The following CFH variants were observed in gnomAD, a reference collection of about 807,000 sequenced individuals.
CFH encodes complement factor H, also known as H factor 1 (complement).
Under a neutral mutation model 147.3 loss-of-function variants are expected in CFH, and 53 were observed. The observed-to-expected ratio is 0.36, with a 90% CI of 0.29 to 0.45. The LOEUF (loss-of-function observed/expected upper bound fraction) is 0.45. Ranked by LOEUF, CFH falls within the 20% of genes least tolerant of loss-of-function variation. CFH has a pLI of 1.00. For synonymous variants in CFH, 536 were observed against 489.4 expected, an observed-to-expected ratio of 1.10 and a Z score of -1.26; for missense variants, 1,380 against 1,498.0, an observed-to-expected ratio of 0.92 and a Z score of 1.30.
chr1:196,658,221 G>C (rs1666771800), intron 1 of CFH, among the ~76,000 whole-genome samples: 1 of 151,362 alleles, frequency 6.6e-6, no homozygotes, highest in Non-Finnish European at 1.5e-5. Context: ...TAATTCATGG[G>C]CTAAAAAAAA....
intron 3 of CFH, among the ~76,000 whole-genome samples, chr1:196,675,229 G>A (rs1667415276): frequency 6.6e-6 from 1 of 152,042 alleles, no homozygotes; most frequent in South Asian, 2.1e-4. Flanking sequence ...CATGTCCCAG[G>A]GAACTCATAT....
intron 12 of CFH, 128 bp downstream of exon 12, chr1:196,725,425 A>G: frequency 2.3e-6 from 2 of 870,050 alleles, no homozygotes; most frequent in East Asian, 5.2e-5. Context: ...TTGCCTGTGA[A>G]GGACATGTAT....
At chr1:196,700,337 C>A (rs2149095816) in intron 9 of CFH, among the ~76,000 whole-genome samples, 1 of 152,248 alleles carries the variant, frequency 6.6e-6, no homozygotes. Context: ...AGCAGGCATA[C>A]AAACCTTACA....
At chr1:196,689,685 G>C (rs1321989811) in intron 8 of CFH, 71 bp downstream of exon 8, 1 of 1,510,984 alleles carries the variant, frequency 6.6e-7, no homozygotes, top group African/African-American at 1.4e-5. Context: ...GAGCACATAA[G>C]TGATTACACC....
At chr1:196,665,897 G>A (rs1480111066) in intron 1 of CFH, among the ~76,000 whole-genome samples, 4 of 152,202 alleles carry the variant, frequency 2.6e-5, no homozygotes, top group Admixed American at 2.0e-4. Flanking sequence ...GTGAGCCACC[G>A]CACCCGGCCC....
In CFH at chr1:196,677,519, T is replaced by C. The variant is rs1667496384; in HGVS notation, c.471T>C (p.Ile157=). 6.2e-7 allele frequency: 1 copy of C among 1,613,050 alleles called. No homozygotes were observed. The highest frequency in any genetic ancestry group is 8.5e-7 in the Non-Finnish European group (1 of 1,179,420). ...LPVTAPENGK[I]VSSAMEPDRE... Reference sequence around the variant, plus strand: ...TGACAGCACCAGAGAATGGAAAAATTGTCAGTAGTGCAATGGAACCAGATC... The same window carrying C: ...TGACAGCACCAGAGAATGGAAAAATCGTCAGTAGTGCAATGGAACCAGATC... The change falls in exon 5 of 22, where the codon ATT becomes ATC. Residue 157 remains isoleucine, a synonymous_variant. Transcript: ENST00000367429.
At chr1:196,722,277 A>G (rs1669018914) in intron 11 of CFH, among the ~76,000 whole-genome samples, 1 of 152,084 alleles carries the variant, frequency 6.6e-6, no homozygotes, top group Non-Finnish European at 1.5e-5. Flanking sequence ...CTTCCTTAGT[A>G]TTAGCTTGTT....
chr1:196,668,646 T>C (rs1294842644), intron 1 of CFH, among the ~76,000 whole-genome samples: 1 of 152,204 alleles, frequency 6.6e-6, no homozygotes, highest in East Asian at 1.9e-4. Context: ...TTTAAGCATC[T>C]GGCATTTCCC....
rs1573064762 is a variant in CFH, at chr1:196,725,155, C to T, written c.1731C>T (p.His577=). The change falls in exon 12 of 22, where the codon CAC becomes CAT. Residue 577 remains histidine, a synonymous_variant. Transcript: ENST00000367429. The part of the protein sequence containing the change: ...RECELPKIDV[H]LVPDRKKDQY... ...GCGAACTTCCTAAAATAGATGTACACTTAGTTCCTGATCGCAAGAAAGACC... is the reference window on the plus strand; with the variant it reads ...GCGAACTTCCTAAAATAGATGTACATTTAGTTCCTGATCGCAAGAAAGACC... The T allele has an allele frequency of 6.2e-7, 1 of 1,613,690 alleles. No individual in the cohort carries two copies. Among genetic ancestry groups the T allele is most frequent in the African/African-American group, 1.3e-5 (1 of 75,018 alleles).
rs775133844 is a variant in CFH, at chr1:196,736,953, G to A, written c.2543G>A (p.Gly848Glu). 10 of 1,611,892 alleles carry A rather than the reference G, an allele frequency of 6.2e-6. No homozygotes were observed. In the Admixed American group the frequency reaches 1.0e-4, roughly 16 times the overall value. ...LCQENYLIQEGEEITCKDGRW... is the reference protein window; with the variant it reads ...LCQENYLIQEEEEITCKDGRW... The stretch of plus-strand genomic sequence containing the variant: ...CAAGAAAATTATCTAATTCAGGAAG[G>A]AGAAGAAATTACATGCAAAGATGGA... The change falls in exon 16 of 22, where the codon GGA becomes GAA. Residue 848 changes from glycine (G) to glutamate (E), a missense_variant. Around this residue, in one of 4 missense-constraint regions of CFH, gnomAD observed 830 missense variants for 821.4 expected, o/e 1.01. Transcript: ENST00000367429.
At chr1:196,727,089 A>G (rs1285227892) in intron 14 of CFH, 149 bp downstream of exon 14, 1 of 693,542 alleles carries the variant, frequency 1.4e-6, no homozygotes, top group Non-Finnish European at 2.5e-6. Flanking sequence ...TATTGCTTAT[A>G]ATTCAATATG....
intron 1 of CFH, among the ~76,000 whole-genome samples, chr1:196,666,552 C>T (rs6660100): frequency 0.22 from 33,293 of 151,268 alleles, 3,999 homozygotes; most frequent in East Asian, 0.35. Flanking sequence ...TTTGGGAGGC[C>T]GAGGTGGGCG....
rs1441269201 is a variant in CFH at position 196,685,096 on chromosome 1, G to A, written c.823G>A (p.Gly275Ser). ...KSCDNPYIPN[G>S]DYSPLRIKHR... ...ATGTGATAATCCTTATATTCCAAAT[G>A]GTGACTACTCACCTTTAAGGATTAA... Residue 275 changes from glycine to serine, a missense_variant, in exon 7 of 22, where the codon GGT becomes AGT. Gly to Ser is a moderately conservative substitution (Grantham distance 56). Around this residue, in one of 4 missense-constraint regions of CFH, gnomAD observed 167 missense variants for 228.0 expected, o/e 0.73. Transcript: ENST00000367429. The A allele has an allele frequency of 2.5e-6, 4 of 1,611,008 alleles. No individual in the cohort carries two copies. Among genetic ancestry groups the A allele is most frequent in the Admixed American group, 3.3e-5 (2 of 59,790 alleles).
intron 11 of CFH, among the ~76,000 whole-genome samples, chr1:196,723,175 G>A (rs1669043476): frequency 6.6e-6 from 1 of 151,958 alleles, no homozygotes; most frequent in Non-Finnish European, 1.5e-5. Flanking sequence ...ATGTTTCAGT[G>A]GTTTCTTCTC....
At chr1:196,744,898 G>T (rs1652946820) in intron 20 of CFH, among the ~76,000 whole-genome samples, 2 of 152,002 alleles carry the variant, frequency 1.3e-5, no homozygotes, top group Admixed American at 6.5e-5. Context: ...AAATTCCCTT[G>T]GTATCCCTTT....
At chr1:196,673,751 C>A in intron 2 of CFH, 106 bp from the exon 3 acceptor site, 1 of 777,022 alleles carries the variant, frequency 1.3e-6, no homozygotes, top group Non-Finnish European at 2.3e-6. Flanking sequence ...TCCTTACATT[C>A]AATCTGTCTT....
In CFH at chr1:196,701,231, T is replaced by C. The variant is rs1668439442; in HGVS notation, c.1336+10992T>C. ...CAGGGAACTCTTCTTGTTTGGTCAG[T>C]CACATTCAGTTAGTCCTGAAGGAGT... On this transcript the variant is annotated intron_variant, in intron 9 of 21. Transcript: ENST00000367429. The C allele has an allele frequency of 2.5e-6, 4 of 1,588,282 alleles. No individual in the cohort carries two copies. In the Admixed American group the frequency reaches 5.0e-5, roughly 20 times the overall value.
At chr1:196,738,283 A>G (rs1652658766) in intron 17 of CFH, among the ~76,000 whole-genome samples, 2 of 152,180 alleles carry the variant, frequency 1.3e-5, no homozygotes, top group Non-Finnish European at 2.9e-5. Context: ...GCCTATCCCA[A>G]GTCTATGTCC....
chr1:196,673,866 G>A lies in CFH; in HGVS notation c.254G>A (p.Cys85Tyr). 1 of 1,611,204 alleles carries A rather than the reference G, an allele frequency of 6.2e-7. No homozygotes were observed. The highest frequency in any genetic ancestry group is 8.5e-7 in the Non-Finnish European group (1 of 1,178,062). Residue 85 changes from cysteine to tyrosine, a missense_variant, in exon 3 of 22, where the codon TGT becomes TAT. By Grantham distance (194) the Cys-to-Tyr change is radical. This residue lies in a region of CFH where 260 missense variants were observed against 263.3 expected (regional missense o/e 0.99). Coordinates refer to ENST00000367429, the MANE Select transcript of CFH (RefSeq NM_000186.4). Reference sequence around the variant, plus strand: ...TTTTTTTTCGTTTTAGAAAGGCCCTGTGGACATCCTGGAGATACTCCTTTT... The same window carrying A: ...TTTTTTTTCGTTTTAGAAAGGCCCTATGGACATCCTGGAGATACTCCTTTT... ...NPLRKCQKRP[C>Y]GHPGDTPFGT...
Sources: allele counts gnomAD v4.1 joint callset (sites outside exome capture counted in the v4.1 genomes callset), GRCh38; gene constraint gnomAD v4.1.1; regional missense constraint gnomAD v4.1.1; transcripts MANE v1.5; gene names NCBI Gene and HGNC (gene_info 2026-07-23, HGNC 2026-07-21).